Variants in ASCC2 observed in about 807,000 individuals in gnomAD.
ASCC2 encodes the protein activating signal cointegrator 1 complex subunit 2, also known as ASC-1 complex subunit P100.
ASCC2 carries 42 observed loss-of-function variants against 93.5 expected under a neutral mutation model. That is an observed-to-expected ratio of 0.45 (90% CI 0.35 to 0.58). The LOEUF is 0.58. Among genes scored for constraint, ASCC2 ranks in the 20% least tolerant of loss-of-function variants. The probability of loss-of-function intolerance (pLI) is 0.00; values close to 1 mark genes in which losing one functional copy is unlikely to be tolerated. For synonymous variants in ASCC2, 364 were observed against 384.2 expected, an observed-to-expected ratio of 0.95 and a Z score of 0.62; for missense variants, 859 against 977.6, an observed-to-expected ratio of 0.88 and a Z score of 1.62.
chr22:29,816,114 G>C (rs754782181), intron 5 of ASCC2, 41 bp from the exon 6 acceptor site: 2 of 1,495,000 alleles, frequency 1.3e-6, no homozygotes, highest in South Asian at 1.2e-5. Flanking sequence ...GAAAAGGTGG[G>C]GGCTCGGGGC....
intron 4 of ASCC2, among the ~76,000 whole-genome samples, chr22:29,823,934 T>C (rs1453867757): frequency 6.6e-6 from 1 of 152,050 alleles, no homozygotes; most frequent in East Asian, 1.9e-4. Flanking sequence ...CTAGTGCCTA[T>C]AATCCCAGCT....
At chr22:29,802,247 TGGGCCGGTGATA>T (rs1601891775) in intron 13 of ASCC2, 39 bp from the exon 14 acceptor site, 1 of 1,604,304 alleles carries the variant, frequency 6.2e-7, no homozygotes, top group African/African-American at 1.3e-5. Context: ...GAAGGCTAAG[TGGGCCGGTGATA>T]GGGCCACAGG....
chr22:29,804,175 G>A (rs1339236201), intron 13 of ASCC2, among the ~76,000 whole-genome samples: 2 of 152,216 alleles, frequency 1.3e-5, no homozygotes, highest in African/African-American at 4.8e-5. Flanking sequence ...GCCAGTCCTG[G>A]AAAAGCCTGG....
At chr22:29,798,718 C>A (rs2058734158) in intron 15 of ASCC2, among the ~76,000 whole-genome samples, 1 of 152,228 alleles carries the variant, frequency 6.6e-6, no homozygotes, top group African/African-American at 2.4e-5. Context: ...TTCCTGTGTA[C>A]CCCACCCCAG....
In ASCC2 at chr22:29,822,309, T is replaced by C. The variant is rs774692585; in HGVS notation, c.541+26A>G. On this transcript the variant is annotated intron_variant, in intron 5 of 19. Transcript: ENST00000307790. ...GGCATGTGGGGGCCATCTTGGTGCA[T>C]CCTCCCAGTCCTGCATCCTACACAC... 4 of 1,611,634 alleles carry C rather than the reference T, an allele frequency of 2.5e-6. No homozygotes were observed. In the South Asian group the frequency reaches 3.3e-5, roughly 13 times the overall value.
At chr22:29,833,466 GAGA>G in intron 1 of ASCC2, 1 of 393,102 alleles carries the variant, frequency 2.5e-6, no homozygotes, top group South Asian at 1.9e-5. Context: ...CGTGGAAAAA[GAGA>G]AGGACCAGGG....
rs906700606 is a variant in ASCC2 at position 29,790,551 on chromosome 22, G to A, written c.2023-3C>T. 1 of 1,613,912 alleles carries A rather than the reference G, an allele frequency of 6.2e-7. No individual in the cohort carries two copies. The highest frequency in any genetic ancestry group is 1.3e-5 in the African/African-American group (1 of 74,942). ...GGGTCCTGAACAAAATGGTCGGGCT[G>A]TGGAAAGGAGAGGAGACCAAATCTG... On this transcript the variant is annotated splice_region_variant and splice_polypyrimidine_tract_variant and intron_variant, in intron 18 of 19. Transcript: ENST00000307790.
rs2060798557 is a variant in ASCC2 at position 29,815,914 on chromosome 22, C to A, written c.609+92G>T. On this transcript the variant is annotated intron_variant, in intron 6 of 19. Transcript: ENST00000307790. Reference sequence around the variant, plus strand: ...AGTCAGGGAATAAACATTTCCTCAGCTCCTCCAGGAAAGTCAGGCAACACC... The same window carrying A: ...AGTCAGGGAATAAACATTTCCTCAGATCCTCCAGGAAAGTCAGGCAACACC... 5.6e-6 allele frequency: 6 copies of A among 1,080,388 alleles called. No homozygotes were observed. The Admixed American group carries it at 1.3e-4, about 23-fold the overall frequency. The allele number at this position is 1,080,388 out of a possible 1,614,324, so 66.9% of individuals were successfully genotyped here.
At chr22:29,800,068 G>A (rs1457747998) in intron 15 of ASCC2, among the ~76,000 whole-genome samples, 2 of 152,260 alleles carry the variant, frequency 1.3e-5, no homozygotes, top group Admixed American at 1.3e-4. Flanking sequence ...GACTAGGCAT[G>A]AGCCGCTGCA....
intron 2 of ASCC2, among the ~76,000 whole-genome samples, chr22:29,828,711 A>C (rs2062753226): frequency 6.6e-6 from 1 of 152,106 alleles, no homozygotes; most frequent in Non-Finnish European, 1.5e-5. Context: ...ACAGCATTAA[A>C]AGTGCTTTCA....
intron 8 of ASCC2, among the ~76,000 whole-genome samples, chr22:29,810,480 G>A (rs1383331391): frequency 1.3e-5 from 2 of 152,172 alleles, no homozygotes; most frequent in South Asian, 4.1e-4. Context: ...AAAGAGGCAG[G>A]CCCTACTAGG....
intron 1 of ASCC2, among the ~76,000 whole-genome samples, chr22:29,833,881 T>A (rs2063455374): frequency 8.0e-6 from 1 of 124,650 alleles, no homozygotes; most frequent in South Asian, 3.9e-4. Flanking sequence ...TTCTTTTTCT[T>A]TTTTTTTTTT....
chr22:29,820,867 T>C (rs1401006617), intron 5 of ASCC2, among the ~76,000 whole-genome samples: 1 of 146,338 alleles, frequency 6.8e-6, no homozygotes, highest in African/African-American at 2.6e-5. Flanking sequence ...GATTGCACCA[T>C]TGCACTCTAG....
intron 15 of ASCC2, 34 bp downstream of exon 15, chr22:29,800,957 G>C (rs1183718419): frequency 6.4e-7 from 1 of 1,553,770 alleles, no homozygotes; most frequent in Non-Finnish European, 8.8e-7. Context: ...TTCCAGAGTT[G>C]GGGTATCGGA....
intron 5 of ASCC2, chr22:29,821,969 T>C (rs968593943): frequency 2.2e-5 from 10 of 447,772 alleles, no homozygotes; most frequent in Non-Finnish European, 4.5e-5. Context: ...ACTGCACTCT[T>C]GCCTGAGTGA....
intron 15 of ASCC2, among the ~76,000 whole-genome samples, chr22:29,800,103 T>C (rs1329125216): frequency 3.3e-5 from 5 of 152,340 alleles, no homozygotes; most frequent in African/African-American, 4.8e-5. Flanking sequence ...TTTCAAAACA[T>C]AAAATATGCT....
At chr22:29,804,479 C>A (rs112682918) in intron 13 of ASCC2, among the ~76,000 whole-genome samples, 159 bp downstream of exon 13, 3 of 152,172 alleles carry the variant, frequency 2.0e-5, no homozygotes, top group Non-Finnish European at 4.4e-5. Context: ...CCTCTAAAGG[C>A]AGCACAGAGC....
Position 29,788,962 on chromosome 22 carries a change from C to T in ASCC2, c.*51G>A, listed in dbSNP as rs748049554. On this transcript the variant is annotated 3_prime_UTR_variant, in exon 20 of 20. Transcript: ENST00000307790. ...GAGGAGGCCCCAGGCGATGGGAGCA[C>T]GGCCTGGTGAGTCTGGTGCCGCTGC... The T allele has an allele frequency of 2.7e-5, 44 of 1,609,790 alleles. No homozygotes were observed. Among genetic ancestry groups the T allele is most frequent in the Admixed American group, 6.7e-5 (4 of 59,882 alleles).
At chr22:29,822,081 A>AAAAAAC (rs2061635367) in intron 5 of ASCC2, 2 of 448,872 alleles carry the variant, frequency 4.5e-6, no homozygotes, top group Non-Finnish European at 8.3e-6. Context: ...TTCTCCTGAA[A>AAAAAAC]AAAAACAAAA....
Sources: gnomAD v4.1 joint callset for allele counts (sites outside exome capture counted in the v4.1 genomes callset) on GRCh38, gnomAD v4.1.1 for gene constraint, MANE v1.5 for transcripts, NCBI Gene and HGNC (gene_info 2026-07-23, HGNC 2026-07-21) for gene names.